Variants in FER1L6 observed in about 807,000 individuals in gnomAD.
FER1L6 encodes fer-1-like protein 6.
FER1L6 carries 177 observed loss-of-function variants against 219.2 expected under a neutral mutation model. The observed-to-expected ratio is 0.81, with a 90% CI of 0.71 to 0.91. The LOEUF is 0.91. FER1L6 is among the 40% of genes least tolerant of loss of function. FER1L6 has a pLI of 0.00. For missense variants in FER1L6, 2,153 were observed against 2,259.9 expected (o/e 0.95, Z 0.96); for synonymous variants, 768 against 824.3 (o/e 0.93, Z 1.17).
intron 1 of FER1L6, among the ~76,000 whole-genome samples, chr8:123,941,562 C>T (rs1168911773): frequency 6.6e-6 from 1 of 152,146 alleles, no homozygotes; most frequent in African/African-American, 2.4e-5. Flanking sequence ...GCTGTGCCAT[C>T]AATAATCCTT....
At chr8:124,099,573 G>A (rs1389402954) in intron 37 of FER1L6, among the ~76,000 whole-genome samples, 2 of 152,098 alleles carry the variant, frequency 1.3e-5, no homozygotes, top group African/African-American at 4.8e-5. Context: ...GTGGACCACA[G>A]CAATACCAAT....
At chr8:123,875,186 C>A (rs1459546392) in intron 1 of FER1L6, among the ~76,000 whole-genome samples, 1 of 151,656 alleles carries the variant, frequency 6.6e-6, no homozygotes, top group Non-Finnish European at 1.5e-5. Flanking sequence ...AAGAGTGAGA[C>A]TCAGTCTAAA....
intron 1 of FER1L6, among the ~76,000 whole-genome samples, chr8:123,953,192 T>C (rs1369391361): frequency 6.6e-6 from 1 of 152,164 alleles, no homozygotes; most frequent in Non-Finnish European, 1.5e-5. Flanking sequence ...CTGGGAGTCA[T>C]GCTGGGTGTG....
intron 16 of FER1L6, among the ~76,000 whole-genome samples, chr8:124,020,094 G>A (rs762257718): frequency 2.6e-5 from 4 of 152,162 alleles, no homozygotes; most frequent in Non-Finnish European, 4.4e-5. Context: ...TTTCATGATA[G>A]TGAATAAGTC....
At position 123,978,504 on chromosome 8, in the gene FER1L6, A is replaced by T. The variant is rs557184792; in HGVS notation, c.1063+895A>T. Among the ~76,000 whole-genome samples, 5 of 152,266 alleles carry T rather than the reference A, an allele frequency of 3.3e-5. No individual in the cohort carries two copies. The East Asian group carries it at 9.7e-4, about 29-fold the overall frequency. On this transcript the variant is annotated intron_variant, in intron 10 of 40. Coordinates refer to ENST00000522917, the MANE Select transcript of FER1L6 (RefSeq NM_001039112.2). Reference sequence around the variant, plus strand: ...CTTTATTTGCAAAACCCAAATTAGTAGATAATTCTTTGAAAAACCCAACAA... The same window carrying T: ...CTTTATTTGCAAAACCCAAATTAGTTGATAATTCTTTGAAAAACCCAACAA...
chr8:123,897,557 A>G (rs1190065951), intron 1 of FER1L6, among the ~76,000 whole-genome samples: 1 of 152,232 alleles, frequency 6.6e-6, no homozygotes, highest in Non-Finnish European at 1.5e-5. Flanking sequence ...CAACATAATT[A>G]CGTACAGAAA....
At chr8:123,903,299 T>C (rs1812891829) in intron 1 of FER1L6, among the ~76,000 whole-genome samples, 1 of 152,204 alleles carries the variant, frequency 6.6e-6, no homozygotes, top group African/African-American at 2.4e-5. Flanking sequence ...ACATTCTGTT[T>C]TTAGTAGTGG....
chr8:123,861,865 A>G (rs1157726518), intron 1 of FER1L6, among the ~76,000 whole-genome samples: 2 of 136,620 alleles, frequency 1.5e-5, no homozygotes, highest in Non-Finnish European at 3.1e-5. Flanking sequence ...TTATCAGCTT[A>G]AGGAGATTTG....
intron 39 of FER1L6, among the ~76,000 whole-genome samples, chr8:124,115,768 G>A (rs1379772469): frequency 6.6e-6 from 1 of 152,124 alleles, no homozygotes; most frequent in African/African-American, 2.4e-5. Flanking sequence ...AATAGCCTCA[G>A]TACAGTGAGA....
At chr8:124,085,863 T>G (rs190083474) in intron 33 of FER1L6, among the ~76,000 whole-genome samples, 165 of 152,276 alleles carry the variant, frequency 1.1e-3, no homozygotes, top group African/African-American at 3.8e-3. Context: ...TATCTCTCTC[T>G]TTAGCTCTTT....
intron 1 of FER1L6, among the ~76,000 whole-genome samples, chr8:123,895,957 C>T (rs955628400): frequency 2.0e-5 from 3 of 152,054 alleles, no homozygotes; most frequent in African/African-American, 4.8e-5. Context: ...TTATTGATAC[C>T]GGGTTCAAAG....
intron 33 of FER1L6, among the ~76,000 whole-genome samples, chr8:124,087,001 T>G (rs1821812450): frequency 6.6e-6 from 1 of 152,210 alleles, no homozygotes; most frequent in Non-Finnish European, 1.5e-5. Flanking sequence ...CTCTCGCTGC[T>G]TTTGGGATCC....
chr8:123,977,283 A>C (rs1816121458), intron 9 of FER1L6, 134 bp from the exon 10 acceptor site: 1 of 815,980 alleles, frequency 1.2e-6, no homozygotes. Context: ...CGCTGAGTGT[A>C]ACTGATTTTC....
chr8:124,021,644 A>G lies in FER1L6; in HGVS notation c.2108A>G (p.Glu703Gly), dbSNP rs1278924333. 5 of 1,614,002 alleles carry G rather than the reference A, an allele frequency of 3.1e-6. No individual in the cohort carries two copies. The highest frequency in any genetic ancestry group is 4.5e-5 in the East Asian group (2 of 44,890). ...EMIHEAQNFVEKIRFLVDEPQ... is the reference protein window; with the variant it reads ...EMIHEAQNFVGKIRFLVDEPQ... ...ATTCACGAAGCCCAAAACTTTGTGGAAAAAATCCGCTTTCTTGTTGATGAG... is the reference window on the plus strand; with the variant it reads ...ATTCACGAAGCCCAAAACTTTGTGGGAAAAATCCGCTTTCTTGTTGATGAG... Residue 703 changes from glutamate (E) to glycine (G), a missense_variant, in exon 17 of 41, where the codon GAA (glutamate) becomes GGA (glycine). Coordinates refer to ENST00000522917, the MANE Select transcript of FER1L6 (RefSeq NM_001039112.2).
intron 1 of FER1L6, among the ~76,000 whole-genome samples, chr8:123,874,167 T>C (rs1472021821): frequency 1.3e-5 from 2 of 152,226 alleles, no homozygotes; most frequent in Non-Finnish European, 2.9e-5. Flanking sequence ...TGACTGGTTT[T>C]ATTTCCATGA....
intron 1 of FER1L6, among the ~76,000 whole-genome samples, chr8:123,908,420 G>A (rs1230844345): frequency 1.3e-5 from 2 of 152,316 alleles, no homozygotes; most frequent in African/African-American, 2.4e-5. Flanking sequence ...ATTTATTTAA[G>A]AGCTTGCATT....
At chr8:123,997,522 C>T (rs1044590249) in intron 12 of FER1L6, among the ~76,000 whole-genome samples, 2 of 152,044 alleles carry the variant, frequency 1.3e-5, no homozygotes, top group Admixed American at 1.3e-4. Context: ...TGTTCTATAA[C>T]CTTGTACTTG....
chr8:124,001,404 C>G (rs924399814), intron 12 of FER1L6, among the ~76,000 whole-genome samples: 3 of 152,258 alleles, frequency 2.0e-5, no homozygotes, highest in Non-Finnish European at 4.4e-5. Flanking sequence ...TATTAAAAAC[C>G]CCATCTAATT....
intron 32 of FER1L6, among the ~76,000 whole-genome samples, chr8:124,079,823 A>G (rs1441527462): frequency 2.0e-5 from 3 of 152,206 alleles, no homozygotes; most frequent in Non-Finnish European, 4.4e-5. Context: ...GGCTAAGATT[A>G]GAAGTTCTGC....
Sources: allele counts gnomAD v4.1 joint callset (sites outside exome capture counted in the v4.1 genomes callset), GRCh38; gene constraint gnomAD v4.1.1; transcripts MANE v1.5; gene names NCBI Gene and HGNC (gene_info 2026-07-23, HGNC 2026-07-21).